KCNH7: variants seen among roughly 807,000 people sequenced by gnomAD.
KCNH7 encodes voltage-gated inwardly rectifying potassium channel KCNH7.
Under a neutral mutation model 120.8 loss-of-function variants are expected in KCNH7, and 49 were observed. The observed-to-expected ratio is 0.41, with a 90% CI of 0.32 to 0.51. KCNH7 has a LOEUF of 0.51. KCNH7 is among the 20% of genes least tolerant of loss of function. KCNH7 has a pLI of 0.38. For missense variants in KCNH7, 1,097 were observed against 1,446.6 expected, an observed-to-expected ratio of 0.76 and a Z score of 3.92; for synonymous variants, 547 against 516.1, an observed-to-expected ratio of 1.06 and a Z score of -0.81.
intron 9 of KCNH7, among the ~76,000 whole-genome samples, chr2:162,408,326 G>C (rs1296123455): frequency 1.3e-5 from 2 of 151,984 alleles, no homozygotes; most frequent in African/African-American, 2.4e-5. Flanking sequence ...GTTTTTGAGG[G>C]AAAGCAGATG....
intron 2 of KCNH7, among the ~76,000 whole-genome samples, chr2:162,588,952 C>G (rs923358310): frequency 7.2e-5 from 11 of 152,206 alleles, no homozygotes; most frequent in African/African-American, 2.6e-4. Context: ...TTACTATCCT[C>G]AAGGAGCACA....
intron 10 of KCNH7, among the ~76,000 whole-genome samples, chr2:162,397,919 C>T (rs780280618): frequency 2.0e-5 from 3 of 151,802 alleles, no homozygotes; most frequent in Non-Finnish European, 4.4e-5. Flanking sequence ...AACTAAATCC[C>T]ATGCATCCTG....
intron 2 of KCNH7, among the ~76,000 whole-genome samples, chr2:162,600,705 CTTCCAATACAGACAAACTCCAT>C (rs374886969): frequency 8.5e-5 from 13 of 152,248 alleles, no homozygotes; most frequent in African/African-American, 2.6e-4. Flanking sequence ...TGAATTAACA[CTTCCAATACAGACAAACTCCAT>C]TTCAGGGTTA....
intron 6 of KCNH7, among the ~76,000 whole-genome samples, chr2:162,455,971 T>A (rs1688947672): frequency 6.6e-6 from 1 of 152,168 alleles, no homozygotes; most frequent in Admixed American, 6.6e-5. Context: ...TTTCTTGTCT[T>A]CTGCTAGCTT....
intron 2 of KCNH7, among the ~76,000 whole-genome samples, chr2:162,628,861 C>T (rs1253219239): frequency 6.6e-6 from 1 of 152,006 alleles, no homozygotes; most frequent in African/African-American, 2.4e-5. Flanking sequence ...TCTCTCACAG[C>T]AGATTGTAGT....
chr2:162,541,655 C>T lies in KCNH7; in HGVS notation c.308-4575G>A, dbSNP rs554421543. 2.0e-5 allele frequency among the ~76,000 whole-genome samples: 3 copies of T among 152,182 alleles called. No individual in the cohort carries two copies. The South Asian group carries it at 6.2e-4, about 32-fold the overall frequency. On this transcript the variant is annotated intron_variant, in intron 2 of 15. Coordinates refer to ENST00000332142, the MANE Select transcript of KCNH7 (RefSeq NM_033272.4). ...GCAGAATGATGAGAACACATAGATA[C>T]ATGTGGGGGAACAACACATACTGAG...
At position 162,826,106 on chromosome 2, in the gene KCNH7, C is replaced by T. The variant is rs114331586; in HGVS notation, c.307+10431G>A. On this transcript the variant is annotated intron_variant, in intron 2 of 15. Coordinates refer to ENST00000332142, the MANE Select transcript of KCNH7 (RefSeq NM_033272.4). ...GAAGTGTCTTCTGATATCATACAGG[C>T]CTTACAATCTCAACCCATGACCCAA... 7.2e-3 allele frequency among the ~76,000 whole-genome samples: 1,095 copies of T among 152,016 alleles called. 2 individuals carry two copies. The highest frequency in any genetic ancestry group is 0.011 in the Non-Finnish European group (774 of 67,934).
At chr2:162,425,257 C>A (rs1687822519) in intron 8 of KCNH7, among the ~76,000 whole-genome samples, 1 of 152,002 alleles carries the variant, frequency 6.6e-6, no homozygotes, top group Admixed American at 6.6e-5. Context: ...TCGAATAAAT[C>A]TCTTTATATC....
At chr2:162,505,415 C>T (rs577796439) in intron 5 of KCNH7, among the ~76,000 whole-genome samples, 1 of 151,628 alleles carries the variant, frequency 6.6e-6, no homozygotes, top group Non-Finnish European at 1.5e-5. Flanking sequence ...ACATAACTTA[C>T]AATACAAGTG....
intron 6 of KCNH7, among the ~76,000 whole-genome samples, chr2:162,464,812 T>A (rs987595008): frequency 5.9e-5 from 9 of 152,088 alleles, no homozygotes; most frequent in Admixed American, 4.6e-4. Context: ...CTGATAAATG[T>A]GTTTAACCCT....
At chr2:162,820,381 C>T (rs1165060095) in intron 2 of KCNH7, among the ~76,000 whole-genome samples, 2 of 151,888 alleles carry the variant, frequency 1.3e-5, no homozygotes, top group African/African-American at 4.8e-5. Flanking sequence ...CAGCCTATTC[C>T]ATAAACTTTC....
At chr2:162,453,754 A>T (rs1558953419) in intron 6 of KCNH7, among the ~76,000 whole-genome samples, 1 of 152,128 alleles carries the variant, frequency 6.6e-6, no homozygotes, top group East Asian at 1.9e-4. Context: ...GGCCACATAA[A>T]TGTGTTCTTT....
intron 7 of KCNH7, among the ~76,000 whole-genome samples, chr2:162,437,519 C>A (rs1277396450): frequency 6.6e-6 from 1 of 152,014 alleles, no homozygotes; most frequent in Non-Finnish European, 1.5e-5. Context: ...TTTAGCTTAG[C>A]AGTTATGTGC....
intron 6 of KCNH7, among the ~76,000 whole-genome samples, chr2:162,489,044 A>G (rs370783237): frequency 2.0e-3 from 308 of 152,364 alleles, no homozygotes; most frequent in African/African-American, 6.9e-3. Context: ...TTAAACTGAA[A>G]TAACATTTTA....
intron 3 of KCNH7, among the ~76,000 whole-genome samples, chr2:162,536,251 T>C (rs6759814): frequency 0.28 from 41,823 of 151,778 alleles, 10,147 homozygotes; most frequent in African/African-American, 0.63. Context: ...GCTTACATTA[T>C]AAATTGACAA....
At chr2:162,482,488 T>G (rs1574012239) in intron 6 of KCNH7, among the ~76,000 whole-genome samples, 1 of 152,258 alleles carries the variant, frequency 6.6e-6, no homozygotes, top group East Asian at 1.9e-4. Flanking sequence ...TTCCAAAGGA[T>G]ATATTAAAGC....
intron 12 of KCNH7, among the ~76,000 whole-genome samples, chr2:162,389,127 T>C (rs1368802133): frequency 6.6e-6 from 1 of 151,980 alleles, no homozygotes; most frequent in Non-Finnish European, 1.5e-5. Flanking sequence ...CTCTGGTGGC[T>C]TTTTTTGTTT....
intron 2 of KCNH7, among the ~76,000 whole-genome samples, chr2:162,686,889 G>T (rs961538148): frequency 6.6e-6 from 1 of 151,952 alleles, no homozygotes; most frequent in Non-Finnish European, 1.5e-5. Flanking sequence ...TTTTCTGTTC[G>T]TCTGAATACT....
intron 2 of KCNH7, among the ~76,000 whole-genome samples, chr2:162,706,825 T>C (rs2105351409): frequency 6.6e-6 from 1 of 152,252 alleles, no homozygotes; most frequent in African/African-American, 2.4e-5. Context: ...CCTCTCATAC[T>C]TAAAAAGGCA....
Sources: gnomAD v4.1 joint callset for allele counts (sites outside exome capture counted in the v4.1 genomes callset) on GRCh38, gnomAD v4.1.1 for gene constraint, MANE v1.5 for transcripts, NCBI Gene and HGNC (gene_info 2026-07-23, HGNC 2026-07-21) for gene names.